SNED1: variants seen among roughly 807,000 people sequenced by gnomAD.
The protein encoded by SNED1 is sushi, nidogen and EGF like domains 1.
A neutral mutation model predicts 166.7 loss-of-function variants in SNED1; 81 were observed. That is an observed-to-expected ratio of 0.49 (90% confidence interval 0.41 to 0.58). SNED1 has a LOEUF of 0.58. Ranked by LOEUF, SNED1 falls within the 20% of genes least tolerant of loss-of-function variation. The pLI, the probability that SNED1 is intolerant of heterozygous loss-of-function variation, is 0.00. For synonymous variants in SNED1, 762 were observed against 822.0 expected (o/e 0.93, Z 1.25); for missense variants, 1,604 against 2,000.2 (o/e 0.80, Z 3.78).
rs1305315744 is a variant in SNED1 at position 241,057,386 on chromosome 2, T to A, written c.2257+4060T>A. On this transcript the variant is annotated intron_variant, in intron 16 of 31. Coordinates refer to ENST00000310397, the MANE Select transcript of SNED1 (RefSeq NM_001080437.3). ...GAGCAAAACTCCATCTCAAAATATA[T>A]ATATATATATATATATATATATATA... is the stretch of plus-strand genomic sequence containing the variant. 4.2e-4 allele frequency among the ~76,000 whole-genome samples: 19 copies of A among 45,476 alleles called. 1 individual carries two copies. The highest frequency in any genetic ancestry group is 1.2e-3 in the African/African-American group (19 of 15,562). The allele number at this position is 45,476 out of a possible 152,430, so 29.8% of individuals were successfully genotyped here. A position where few individuals can be genotyped will look rare whatever the true frequency, so the allele number is the denominator to read the frequency against.
intron 31 of SNED1, 85 bp downstream of exon 31, chr2:241,088,487 C>A: frequency 9.1e-7 from 1 of 1,099,344 alleles, no homozygotes; most frequent in Non-Finnish European, 1.4e-6. Context: ...CTCAGAGTGC[C>A]GCTGCCTGCT....
intron 31 of SNED1, chr2:241,088,817 T>C (rs569431810): frequency 5.8e-5 from 13 of 222,728 alleles, no homozygotes; most frequent in South Asian, 2.1e-4. Flanking sequence ...GCTGAGAAAT[T>C]CCGGGGGCTC....
At chr2:241,062,751 C>T (rs773518655) in intron 16 of SNED1, 40 bp from the exon 17 acceptor site, 18 of 1,397,318 alleles carry the variant, frequency 1.3e-5, no homozygotes, top group African/African-American at 4.2e-5. Flanking sequence ...TTGGCTTAAT[C>T]GTGGCCACAT....
chr2:241,053,125 G>T (rs375845890), intron 15 of SNED1, 28 bp from the exon 16 acceptor site: 8 of 1,596,358 alleles, frequency 5.0e-6, no homozygotes, highest in Non-Finnish European at 6.0e-6. Context: ...GCACAGGACC[G>T]TGCGAGACAG....
chr2:241,047,440 A>T (rs2061683274), intron 8 of SNED1, among the ~76,000 whole-genome samples: 1 of 152,228 alleles, frequency 6.6e-6, no homozygotes, highest in Non-Finnish European at 1.5e-5. Flanking sequence ...TTCATAGAAC[A>T]TGTACACAGG....
chr2:241,012,362 C>T (rs757350181), intron 1 of SNED1, among the ~76,000 whole-genome samples: 3 of 152,216 alleles, frequency 2.0e-5, no homozygotes, highest in Non-Finnish European at 2.9e-5. Context: ...CCCTGGTGGG[C>T]CCACTGCCAG....
intron 1 of SNED1, among the ~76,000 whole-genome samples, chr2:241,020,301 C>G (rs1041968996): frequency 6.6e-6 from 1 of 152,222 alleles, no homozygotes; most frequent in African/African-American, 2.4e-5. Flanking sequence ...TCCAGCCCAG[C>G]CCCAATACTC....
At chr2:241,021,202 G>A (rs1163554074) in intron 1 of SNED1, among the ~76,000 whole-genome samples, 17 of 152,166 alleles carry the variant, frequency 1.1e-4, no homozygotes, top group Non-Finnish European at 1.0e-4. Context: ...CCTTGTCAGT[G>A]CCCATTGCTC....
intron 5 of SNED1, 55 bp from the exon 6 acceptor site, chr2:241,037,185 A>G (rs2125027139): frequency 7.0e-7 from 1 of 1,433,962 alleles, no homozygotes; most frequent in Non-Finnish European, 9.6e-7. Context: ...GCCCTTAGAG[A>G]AAACTCCTCA....
At chr2:241,011,301 A>AGGTCTCCTG (rs1318250737) in intron 1 of SNED1, among the ~76,000 whole-genome samples, 1 of 151,322 alleles carries the variant, frequency 6.6e-6, no homozygotes, top group African/African-American at 2.4e-5. Context: ...TGGGGGTGGC[A>AGGTCTCCTG]GGTCTCCTGG....
chr2:241,036,736 C>T (rs1206750015), intron 4 of SNED1, 54 bp from the exon 5 acceptor site: 2 of 1,596,440 alleles, frequency 1.3e-6, no homozygotes, highest in East Asian at 4.5e-5. Context: ...GAGTGGCTCT[C>T]CTGCCGAGTC....
rs754090702 is a variant in SNED1 at position 241,073,425 on chromosome 2, G to A, written c.3916+61G>A. 2 of 1,406,794 alleles carry A rather than the reference G, an allele frequency of 1.4e-6. No individual in the cohort carries two copies. The highest frequency in any genetic ancestry group is 1.2e-5 in the South Asian group (1 of 81,228). The allele number at this position is 1,406,794 out of a possible 1,614,324, so 87.1% of individuals were successfully genotyped here. A position where few individuals can be genotyped will look rare whatever the true frequency, so the allele number is the denominator to read the frequency against. On this transcript the variant is annotated intron_variant, in intron 27 of 31. Coordinates refer to ENST00000310397, the MANE Select transcript of SNED1 (RefSeq NM_001080437.3). The surrounding 1 kb of genome is among the most constrained non-coding windows in gnomAD (Gnocchi z 6.6). ...ACTGACTGCTCTCAGGGGCCTTAGA[G>A]GCTGCAGGCAGGAGGGACCACCCAC... is the stretch of plus-strand genomic sequence containing the variant.
chr2:241,090,418 T>G, intron 31 of SNED1: 1 of 1,548,062 alleles, frequency 6.5e-7, no homozygotes, highest in Non-Finnish European at 8.7e-7. Flanking sequence ...ATTTTATAGT[T>G]AACTTTTTTT....
At chr2:241,085,485 T>A (rs2063529086) in intron 29 of SNED1, among the ~76,000 whole-genome samples, 1 of 152,222 alleles carries the variant, frequency 6.6e-6, no homozygotes, top group Non-Finnish European at 1.5e-5. Context: ...TATTTTCCTT[T>A]AGCTCACTGA....
rs1351790175 is a variant in SNED1, at chr2:241,095,327, A to C, written c.*3691A>C. On this transcript the variant is annotated 3_prime_UTR_variant, in exon 32 of 32. Transcript: ENST00000310397. The stretch of plus-strand genomic sequence containing the variant: ...ACCACTGGCCAAGAGCTGACATAAA[A>C]GCCAACTTCCCCAAACAGGAAGGGC... 1.3e-5 allele frequency: 2 copies of C among 152,984 alleles called. No individual in the cohort carries two copies. The highest frequency in any genetic ancestry group is 6.5e-5 in the Admixed American group (1 of 15,310). The allele number at this position is 152,984 out of a possible 1,614,324, so 9.5% of individuals were successfully genotyped here.
At chr2:241,017,916 A>G (rs1322332024) in intron 1 of SNED1, among the ~76,000 whole-genome samples, 1 of 152,222 alleles carries the variant, frequency 6.6e-6, no homozygotes, top group East Asian at 1.9e-4. Context: ...CAATAATTAC[A>G]GAGGCAATGA....
intron 16 of SNED1, among the ~76,000 whole-genome samples, chr2:241,054,802 G>T (rs2061993765): frequency 6.6e-6 from 1 of 152,194 alleles, no homozygotes; most frequent in Non-Finnish European, 1.5e-5. Context: ...AAAGAAGCAG[G>T]GAAAGATAAA....
rs760382359 is a variant in SNED1 at position 241,033,698 on chromosome 2, G to A, written c.502-37G>A. Reference sequence around the variant, plus strand: ...GGGCAGGGCTTCCCTGGGCCAAGGGGAGTGCAGGGCCCTGTTCAGCCCCCT... The same window carrying A: ...GGGCAGGGCTTCCCTGGGCCAAGGGAAGTGCAGGGCCCTGTTCAGCCCCCT... On this transcript the variant is annotated intron_variant, in intron 2 of 31. Transcript: ENST00000310397. 4 of 1,592,314 alleles carry A rather than the reference G, an allele frequency of 2.5e-6. No homozygotes were observed. In the Admixed American group the frequency reaches 6.9e-5, roughly 27 times the overall value.
Position 241,037,233 on chromosome 2 carries a change from G to C in SNED1, c.932-7G>C. ...CCGCTGAGGCCTCAGCCTGCCCCAT[G>C]TTTCAGACGTGAACGAATGTGCCTC... On this transcript the variant is annotated splice_polypyrimidine_tract_variant and splice_region_variant and intron_variant, in intron 5 of 31. Coordinates refer to ENST00000310397, the MANE Select transcript of SNED1 (RefSeq NM_001080437.3). The C allele has an allele frequency of 6.2e-7, 1 of 1,603,662 alleles. No individual in the cohort carries two copies. The highest frequency in any genetic ancestry group is 1.1e-5 in the South Asian group (1 of 89,256).
Sources: allele counts gnomAD v4.1 joint callset (sites outside exome capture counted in the v4.1 genomes callset), GRCh38; gene constraint gnomAD v4.1.1; non-coding constraint Gnocchi (gnomAD v3.1); transcripts MANE v1.5; gene names NCBI Gene and HGNC (gene_info 2026-07-23, HGNC 2026-07-21).